PKIB: variants seen among roughly 807,000 people sequenced by gnomAD.
PKIB encodes the protein PKI-beta.
A neutral mutation model predicts 4.5 loss-of-function variants in PKIB; 2 were observed. The observed-to-expected ratio is 0.44, with a 90% confidence interval of 0.18 to 1.39. The LOEUF (loss-of-function observed/expected upper bound fraction) is 1.39. Among genes scored for constraint, PKIB ranks in the 40% most tolerant of loss-of-function variants. The pLI is 0.27. For missense variants in PKIB, 94 were observed against 92.6 expected, an observed-to-expected ratio of 1.02 and a Z score of -0.06; for synonymous variants, 38 against 36.0, an observed-to-expected ratio of 1.06 and a Z score of -0.20.
In PKIB at chr6:122,545,579, C is replaced by G. The variant is rs374793467; in HGVS notation, c.-247-40342C>G. ...AATACCCGATAGGTAGTTTTCCAGT[C>G]TTCATCATTCTCCCACCCTTCACCC... On this transcript the variant is annotated intron_variant, in intron 2 of 6. Transcript: ENST00000392491. 3.4e-4 allele frequency among the ~76,000 whole-genome samples: 51 copies of G among 150,854 alleles called. 1 individual carries two copies. Among genetic ancestry groups the G allele is most frequent in the African/African-American group, 1.2e-3 (51 of 40,958 alleles).
At chr6:122,567,801 C>T (rs1208074711) in intron 2 of PKIB, among the ~76,000 whole-genome samples, 2 of 151,936 alleles carry the variant, frequency 1.3e-5, no homozygotes, top group African/African-American at 4.8e-5. Flanking sequence ...ATTGAGCATG[C>T]TTGAAAATAA....
intron 2 of PKIB, among the ~76,000 whole-genome samples, chr6:122,498,146 C>T (rs1776127956): frequency 6.6e-6 from 1 of 152,148 alleles, no homozygotes; most frequent in South Asian, 2.1e-4. Flanking sequence ...CTGATAAAGA[C>T]ATAACTGAGA....
intron 2 of PKIB, among the ~76,000 whole-genome samples, chr6:122,498,427 A>G (rs950389570): frequency 1.3e-5 from 2 of 152,212 alleles, no homozygotes; most frequent in African/African-American, 4.8e-5. Context: ...GGGAGTTACC[A>G]TTCAAGATGA....
At chr6:122,702,049 A>G (rs1778830607) in intron 3 of PKIB, among the ~76,000 whole-genome samples, 1 of 136,868 alleles carries the variant, frequency 7.3e-6, no homozygotes, top group Admixed American at 7.7e-5. Flanking sequence ...ACAAAACCCT[A>G]ACCTCCAAGG....
chr6:122,493,249 G>C (rs923622989), intron 2 of PKIB: 1 of 152,186 alleles, frequency 6.6e-6, no homozygotes, highest in South Asian at 2.1e-4. Context: ...AAGTGAATGA[G>C]ATCAGTGCTC....
chr6:122,660,442 C>G (rs1162851409), intron 2 of PKIB, among the ~76,000 whole-genome samples: 1 of 152,156 alleles, frequency 6.6e-6, no homozygotes, highest in Non-Finnish European at 1.5e-5. Context: ...CCAAACTGAT[C>G]ATGCTGTAGC....
chr6:122,525,592 T>C (rs1777072218), intron 2 of PKIB, among the ~76,000 whole-genome samples: 1 of 152,208 alleles, frequency 6.6e-6, no homozygotes, highest in Non-Finnish European at 1.5e-5. Context: ...AGCACATATG[T>C]TATGTTAACA....
At chr6:122,488,255 C>A (rs759776575) in intron 2 of PKIB, among the ~76,000 whole-genome samples, 2 of 152,058 alleles carry the variant, frequency 1.3e-5, no homozygotes, top group Admixed American at 6.6e-5. Context: ...TGTACACACA[C>A]AAACACACAC....
chr6:122,558,571 A>G (rs1414922722), intron 2 of PKIB, among the ~76,000 whole-genome samples: 3 of 152,150 alleles, frequency 2.0e-5, no homozygotes, highest in Non-Finnish European at 4.4e-5. Context: ...ACATATCTCC[A>G]TTATATCATC....
intron 1 of PKIB, among the ~76,000 whole-genome samples, chr6:122,627,274 A>G (rs1775491435): frequency 6.6e-6 from 1 of 151,082 alleles, no homozygotes. Flanking sequence ...AAATCATCTC[A>G]CCAAATTTTA....
chr6:122,594,072 C>A (rs944613804), intron 3 of PKIB, among the ~76,000 whole-genome samples: 2 of 152,094 alleles, frequency 1.3e-5, no homozygotes, highest in African/African-American at 4.8e-5. Flanking sequence ...TAACATAATA[C>A]AACTATCCTT....
intron 2 of PKIB, among the ~76,000 whole-genome samples, chr6:122,518,020 A>G (rs1196329876): frequency 6.6e-6 from 1 of 152,242 alleles, no homozygotes; most frequent in Non-Finnish European, 1.5e-5. Context: ...GTAAAATTAA[A>G]TGAGTGCTGG....
intron 2 of PKIB, among the ~76,000 whole-genome samples, chr6:122,577,119 TA>T (rs1459049175): frequency 6.6e-6 from 1 of 152,198 alleles, no homozygotes; most frequent in Non-Finnish European, 1.5e-5. Flanking sequence ...TAACATTATA[TA>T]TGGGGCTATA....
intron 3 of PKIB, among the ~76,000 whole-genome samples, chr6:122,679,003 C>A (rs1777795021): frequency 6.6e-6 from 1 of 152,204 alleles, no homozygotes; most frequent in African/African-American, 2.4e-5. Flanking sequence ...CACACCACTG[C>A]CTCCAACTTG....
intron 2 of PKIB, among the ~76,000 whole-genome samples, chr6:122,649,277 G>C (rs1166537548): frequency 6.6e-6 from 1 of 152,134 alleles, no homozygotes; most frequent in African/African-American, 2.4e-5. Context: ...CTCCTTCCAA[G>C]TAGAATGAAC....
chr6:122,629,310 G>A (rs1023101836), intron 1 of PKIB, among the ~76,000 whole-genome samples: 1 of 152,128 alleles, frequency 6.6e-6, no homozygotes, highest in African/African-American at 2.4e-5. Flanking sequence ...AACTGAAAGA[G>A]CTAATGATGA....
chr6:122,602,973 A>T (rs1425530671), intron 3 of PKIB, among the ~76,000 whole-genome samples: 1 of 148,948 alleles, frequency 6.7e-6, no homozygotes. Flanking sequence ...AAAAAAAAAA[A>T]AAAAATAGGA....
At chr6:122,514,235 C>T (rs1452634815) in intron 2 of PKIB, among the ~76,000 whole-genome samples, 1 of 152,146 alleles carries the variant, frequency 6.6e-6, no homozygotes, top group African/African-American at 2.4e-5. Flanking sequence ...AAAATTCTTT[C>T]TTTGAGAATT....
intron 1 of PKIB, among the ~76,000 whole-genome samples, chr6:122,626,164 A>G (rs1775436126): frequency 6.6e-6 from 1 of 152,200 alleles, no homozygotes; most frequent in East Asian, 1.9e-4. Context: ...CAATAATGCT[A>G]ATTTTGTTGT....
Sources: allele counts gnomAD v4.1 joint callset (sites outside exome capture counted in the v4.1 genomes callset), GRCh38; gene constraint gnomAD v4.1.1; transcripts MANE v1.5; gene names NCBI Gene and HGNC (gene_info 2026-07-23, HGNC 2026-07-21).